LRRC7: variants seen among roughly 807,000 people sequenced by gnomAD.
LRRC7 encodes leucine rich repeat containing 7, also known as leucine-rich repeat-containing protein 7.
In LRRC7, 23 loss-of-function variants were observed where a neutral mutation model predicts 175.7. The ratio of observed to expected loss-of-function variants is 0.13; its 90% CI spans 0.09 to 0.19. The LOEUF (loss-of-function observed/expected upper bound fraction) is 0.19. LRRC7 is among the 10% of genes least tolerant of loss of function. The pLI is 1.00. For missense variants in LRRC7, 1,354 were observed against 1,904.7 expected (o/e 0.71, Z 5.38); for synonymous variants, 685 against 680.9 (o/e 1.01, Z -0.09).
In LRRC7 at chr1:70,082,781, A is replaced by ATTTTTTTTTTTTT. The variant is rs1172403797; in HGVS notation, c.4452+6502_4452+6514dup. Reference sequence around the variant, plus strand: ...TATTAGTCAATCTTGATACCAGTACATTTTTTTTTTTTTTTTTTTTTTTTT... The same window carrying ATTTTTTTTTTTTT: ...TATTAGTCAATCTTGATACCAGTACATTTTTTTTTTTTTTTTTTTTTTTTTTTTTTTTTTTTTT... On this transcript the variant is annotated intron_variant, in intron 24 of 26. Coordinates refer to ENST00000651989, the MANE Select transcript of LRRC7 (RefSeq NM_001370785.2). Among the ~76,000 whole-genome samples, 100 of 52,266 alleles carry ATTTTTTTTTTTTT rather than the reference A, an allele frequency of 1.9e-3. 32 individuals are homozygous for ATTTTTTTTTTTTT. The highest frequency in any genetic ancestry group is 5.7e-3 in the East Asian group (8 of 1,406). The allele number at this position is 52,266 out of a possible 152,430, so 34.3% of individuals were successfully genotyped here. A position where few individuals can be genotyped will look rare whatever the true frequency, so the allele number is the denominator to read the frequency against.
chr1:69,633,567 A>G (rs1288034258), intron 1 of LRRC7, among the ~76,000 whole-genome samples: 2 of 151,868 alleles, frequency 1.3e-5, no homozygotes, highest in Non-Finnish European at 2.9e-5. Context: ...TAGGTGGTAT[A>G]ACAGGCATGT....
At chr1:69,956,790 G>T (rs1460661981) in intron 8 of LRRC7, among the ~76,000 whole-genome samples, 11 of 151,524 alleles carry the variant, frequency 7.3e-5, no homozygotes, top group African/African-American at 2.7e-4. Flanking sequence ...TATGAAAAAT[G>T]AATAACTCAT....
At chr1:69,908,494 T>G (rs1321422667) in intron 7 of LRRC7, among the ~76,000 whole-genome samples, 5 of 152,168 alleles carry the variant, frequency 3.3e-5, no homozygotes, top group Non-Finnish European at 5.9e-5. Flanking sequence ...AAGAACATCT[T>G]TATTTCTGCC....
chr1:69,866,662 G>A (rs1684975956), intron 7 of LRRC7, among the ~76,000 whole-genome samples: 1 of 152,072 alleles, frequency 6.6e-6, no homozygotes, highest in Admixed American at 6.6e-5. Flanking sequence ...ATAGCAATAA[G>A]CATGCCTTAT....
At chr1:69,834,272 T>G (rs1680861889) in intron 5 of LRRC7, among the ~76,000 whole-genome samples, 1 of 152,136 alleles carries the variant, frequency 6.6e-6, no homozygotes, top group Non-Finnish European at 1.5e-5. Flanking sequence ...AAGAAATTAT[T>G]AGTTAAGGGG....
chr1:69,685,166 A>T (rs925756272), intron 2 of LRRC7, among the ~76,000 whole-genome samples: 6 of 152,232 alleles, frequency 3.9e-5, no homozygotes, highest in Non-Finnish European at 7.3e-5. Flanking sequence ...TTAGCATTAT[A>T]AAAAATCAGA....
chr1:69,791,187 G>T (rs1338304140), intron 3 of LRRC7, among the ~76,000 whole-genome samples: 1 of 151,956 alleles, frequency 6.6e-6, no homozygotes, highest in Non-Finnish European at 1.5e-5. Context: ...TTCATATCTG[G>T]CAGGAGTCAA....
intron 8 of LRRC7, among the ~76,000 whole-genome samples, chr1:69,934,618 G>A (rs1161070294): frequency 2.6e-5 from 4 of 151,008 alleles, no homozygotes; most frequent in Non-Finnish European, 5.9e-5. Flanking sequence ...ATGAGAGTAA[G>A]GATCATTCAT....
intron 8 of LRRC7, among the ~76,000 whole-genome samples, chr1:69,967,262 C>T (rs567748954): frequency 6.6e-6 from 1 of 152,200 alleles, no homozygotes; most frequent in African/African-American, 2.4e-5. Context: ...ACCTGGGACC[C>T]TCACCCACAT....
At chr1:69,803,098 A>C (rs188415840) in intron 4 of LRRC7, among the ~76,000 whole-genome samples, 1 of 151,296 alleles carries the variant, frequency 6.6e-6, no homozygotes, top group Non-Finnish European at 1.5e-5. Flanking sequence ...CAAACTATTC[A>C]TCCTGCTCCA....
chr1:69,801,173 A>G (rs535681467), intron 4 of LRRC7, among the ~76,000 whole-genome samples: 2 of 151,690 alleles, frequency 1.3e-5, no homozygotes, highest in South Asian at 2.1e-4. Context: ...ATATTGATCT[A>G]TAGTTTTATT....
intron 4 of LRRC7, among the ~76,000 whole-genome samples, chr1:69,802,716 C>A (rs2101102609): frequency 6.6e-6 from 1 of 151,374 alleles, no homozygotes; most frequent in Non-Finnish European, 1.5e-5. Context: ...TCATTTATAT[C>A]CAAGATTAAT....
intron 7 of LRRC7, among the ~76,000 whole-genome samples, chr1:69,913,878 G>C (rs1396818518): frequency 6.6e-6 from 1 of 152,146 alleles, no homozygotes; most frequent in Admixed American, 6.5e-5. Context: ...GTGCTGTAAA[G>C]AGCAATTTAT....
At chr1:69,809,869 G>C (rs553718546) in intron 4 of LRRC7, among the ~76,000 whole-genome samples, 1 of 152,204 alleles carries the variant, frequency 6.6e-6, no homozygotes, top group Non-Finnish European at 1.5e-5. Flanking sequence ...CACAAGACAA[G>C]AATGCCCTCT....
chr1:69,732,880 G>A (rs1667729602), intron 2 of LRRC7, among the ~76,000 whole-genome samples: 1 of 152,052 alleles, frequency 6.6e-6, no homozygotes. Context: ...ATGGTTAATA[G>A]GGATTCCATA....
At chr1:69,682,525 A>C (rs1247562620) in intron 2 of LRRC7, among the ~76,000 whole-genome samples, 2 of 152,124 alleles carry the variant, frequency 1.3e-5, no homozygotes. Flanking sequence ...TCCTTTTGAA[A>C]ACTGCAATGC....
In LRRC7 at chr1:69,815,997, T is replaced by C. The variant is rs1290406214; in HGVS notation, c.422-9751T>C. 2.0e-5 allele frequency among the ~76,000 whole-genome samples: 3 copies of C among 149,662 alleles called. No homozygotes were observed. In the East Asian group the frequency reaches 5.9e-4, roughly 29 times the overall value. ...ATTTATTTATTTATTTATTTACTAT[T>C]TGAGACCTAGTCTTGCTGTGTCGCC... On this transcript the variant is annotated intron_variant, in intron 4 of 26. Coordinates refer to ENST00000651989, the MANE Select transcript of LRRC7 (RefSeq NM_001370785.2).
intron 7 of LRRC7, among the ~76,000 whole-genome samples, chr1:69,890,262 A>G (rs1645794691): frequency 6.6e-6 from 1 of 152,266 alleles, no homozygotes; most frequent in African/African-American, 2.4e-5. Flanking sequence ...ACCCATTAAC[A>G]GCAGAATGGA....
rs185559743 is a variant in LRRC7 at position 69,927,614 on chromosome 1, T to C, written c.648-3893T>C. On this transcript the variant is annotated intron_variant, in intron 7 of 26. Coordinates refer to ENST00000651989, the MANE Select transcript of LRRC7 (RefSeq NM_001370785.2). ...GTTGATTGCATCGGCTCTTGAGGCTTCTGCATTCTTCACGTAGTTCTCGAG... is the reference window on the plus strand; with the variant it reads ...GTTGATTGCATCGGCTCTTGAGGCTCCTGCATTCTTCACGTAGTTCTCGAG... Among the ~76,000 whole-genome samples the C allele has an allele frequency of 6.1e-3, 925 of 152,378 alleles. 5 individuals are homozygous for C. Among genetic ancestry groups the C allele is most frequent in the Non-Finnish European group, 8.8e-3 (602 of 68,042 alleles).
Sources: gnomAD v4.1 joint callset for allele counts (sites outside exome capture counted in the v4.1 genomes callset) on GRCh38, gnomAD v4.1.1 for gene constraint, MANE v1.5 for transcripts, NCBI Gene and HGNC (gene_info 2026-07-23, HGNC 2026-07-21) for gene names.